The following CHST8 variants were observed in gnomAD, a reference collection of about 807,000 sequenced individuals.
CHST8 encodes carbohydrate sulfotransferase 8.
CHST8 carries 10 observed loss-of-function variants against 15.0 expected under a neutral mutation model. That is an observed-to-expected ratio of 0.67 (90% CI 0.41 to 1.13). The LOEUF is 1.13. Among genes scored for constraint, CHST8 ranks in the 50% most tolerant of loss-of-function variants. The pLI, the probability that CHST8 is intolerant of heterozygous loss-of-function variation, is 0.00. For synonymous variants in CHST8, 259 were observed against 256.6 expected (o/e 1.01, Z -0.09); for missense variants, 634 against 608.2 (o/e 1.04, Z -0.45).
intron 3 of CHST8, among the ~76,000 whole-genome samples, chr19:33,740,930 G>T (rs1054062045): frequency 6.6e-6 from 1 of 152,120 alleles, no homozygotes; most frequent in Non-Finnish European, 1.5e-5. Flanking sequence ...ACATTCCCCG[G>T]GTCCTCCTAT....
chr19:33,627,092 T>TG, intron 1 of CHST8, among the ~76,000 whole-genome samples: 1 of 61,242 alleles, frequency 1.6e-5, no homozygotes, highest in African/African-American at 5.0e-5. Flanking sequence ...GCCTGTCCTC[T>TG]TTTTTTGGGG....
intron 1 of CHST8, among the ~76,000 whole-genome samples, chr19:33,657,271 T>C (rs1600241651): frequency 8.7e-6 from 1 of 114,608 alleles, no homozygotes; most frequent in Non-Finnish European, 1.9e-5. Context: ...ACACACACAC[T>C]TTTTTTTTTT....
At chr19:33,752,411 C>CATA (rs35576060) in intron 3 of CHST8, among the ~76,000 whole-genome samples, 15,129 of 151,082 alleles carry the variant, frequency 0.1, 908 homozygotes, top group Admixed American at 0.12. Context: ...TGATCCGCCA[C>CATA]ATAAGATTCC....
At chr19:33,729,194 TC>T in intron 3 of CHST8, among the ~76,000 whole-genome samples, 1 of 152,160 alleles carries the variant, frequency 6.6e-6, no homozygotes, top group Non-Finnish European at 1.5e-5. Flanking sequence ...AAACAGACTG[TC>T]ATTAAAGTGC....
chr19:33,656,886 CATT>C (rs1385799743), intron 1 of CHST8, among the ~76,000 whole-genome samples: 1 of 152,010 alleles, frequency 6.6e-6, no homozygotes, highest in Non-Finnish European at 1.5e-5. Context: ...TATAATGTAT[CATT>C]ATTTATCATT....
In CHST8 at chr19:33,773,462, G is replaced by A. The variant is rs1975057936; in HGVS notation, c.*399G>A. ...CAGCTTTTCTACGAGCCAGGGGGGA[G>A]GTTCCCTTGGATTAAGGTTCCAAAT... On this transcript the variant is annotated 3_prime_UTR_variant, in exon 5 of 5. Coordinates refer to ENST00000650847, the MANE Select transcript of CHST8 (RefSeq NM_001127895.2). 4.8e-6 allele frequency: 1 copy of A among 207,478 alleles called. No homozygotes were observed. 12.9% of individuals were successfully genotyped at this position (207,478 alleles called of 1,614,324 possible).
At chr19:33,684,337 G>T (rs1327958451) in intron 2 of CHST8, among the ~76,000 whole-genome samples, 2 of 152,192 alleles carry the variant, frequency 1.3e-5, no homozygotes, top group African/African-American at 4.8e-5. Context: ...CGGGAGTAGC[G>T]TGCCGCCCGG....
intron 3 of CHST8, among the ~76,000 whole-genome samples, chr19:33,750,143 G>A (rs1974386062): frequency 6.6e-6 from 1 of 152,206 alleles, no homozygotes; most frequent in Non-Finnish European, 1.5e-5. Flanking sequence ...CCCAAGAGAG[G>A]AGGGTGACCT....
At chr19:33,668,856 A>T (rs116798837) in intron 2 of CHST8, among the ~76,000 whole-genome samples, 1,606 of 152,184 alleles carry the variant, frequency 0.011, 23 homozygotes, top group African/African-American at 0.037. Flanking sequence ...CGCCATTTAT[A>T]CTGTGGTTCC....
intron 1 of CHST8, among the ~76,000 whole-genome samples, chr19:33,656,426 T>C (rs1440062390): frequency 2.0e-5 from 3 of 152,236 alleles, no homozygotes; most frequent in African/African-American, 7.2e-5. Context: ...GGAGATTATT[T>C]GTCCATCAGT....
chr19:33,681,889 G>A (rs1009221680), intron 2 of CHST8, among the ~76,000 whole-genome samples: 5 of 149,896 alleles, frequency 3.3e-5, no homozygotes, highest in South Asian at 2.1e-4. Context: ...TTTTTTTAAC[G>A]GAGTTTCGCT....
chr19:33,698,953 A>G (rs1433382377), intron 3 of CHST8, among the ~76,000 whole-genome samples: 1 of 152,068 alleles, frequency 6.6e-6, no homozygotes, highest in Non-Finnish European at 1.5e-5. Context: ...GCTATGGGAG[A>G]GCCTTGCCCT....
chr19:33,706,452 G>A (rs903607436), intron 3 of CHST8, among the ~76,000 whole-genome samples: 4 of 152,260 alleles, frequency 2.6e-5, no homozygotes, highest in Middle Eastern at 3.4e-3. Context: ...GATGCCTTAC[G>A]GTTCATGTGG....
intron 3 of CHST8, among the ~76,000 whole-genome samples, chr19:33,770,631 C>G (rs989946345): frequency 6.6e-6 from 1 of 152,230 alleles, no homozygotes; most frequent in East Asian, 1.9e-4. Context: ...CCAGCCCAGG[C>G]ATGGGCCTCC....
chr19:33,661,867 CAAAAAAAAAAA>C (rs34236738), intron 1 of CHST8, among the ~76,000 whole-genome samples: 4 of 76,664 alleles, frequency 5.2e-5, no homozygotes, highest in Admixed American at 1.4e-4. Context: ...TTCATCTTTA[CAAAAAAAAAAA>C]AAAAAAAAAT....
At chr19:33,651,778 TATTTA>T (rs1308553421) in intron 1 of CHST8, among the ~76,000 whole-genome samples, 3 of 152,226 alleles carry the variant, frequency 2.0e-5, no homozygotes, top group Admixed American at 2.0e-4. Context: ...TGCTATTGAT[TATTTA>T]ATTTTAGTGG....
At chr19:33,629,784 A>G (rs1568307548) in intron 1 of CHST8, among the ~76,000 whole-genome samples, 2 of 152,218 alleles carry the variant, frequency 1.3e-5, no homozygotes, top group Non-Finnish European at 2.9e-5. Context: ...TAAGCAGAGG[A>G]TGCTAGGAGC....
chr19:33,765,623 G>C (rs1266441309), intron 3 of CHST8, among the ~76,000 whole-genome samples: 1 of 151,670 alleles, frequency 6.6e-6, no homozygotes, highest in Non-Finnish European at 1.5e-5. Flanking sequence ...GTGTAGTGGC[G>C]CGATCTCCGC....
intron 3 of CHST8, among the ~76,000 whole-genome samples, chr19:33,701,473 C>T (rs1221403675): frequency 6.6e-6 from 1 of 152,038 alleles, no homozygotes; most frequent in African/African-American, 2.4e-5. Flanking sequence ...TTAATAGAAA[C>T]GGTCCCAGAA....
Sources: gnomAD v4.1 joint callset for allele counts (sites outside exome capture counted in the v4.1 genomes callset) on GRCh38, gnomAD v4.1.1 for gene constraint, MANE v1.5 for transcripts, NCBI Gene and HGNC (gene_info 2026-07-23, HGNC 2026-07-21) for gene names.